The following STK4 variants were observed in gnomAD, a reference collection of about 807,000 sequenced individuals.
STK4 encodes the protein serine/threonine kinase 4, also known as serine/threonine-protein kinase 4.
A neutral mutation model predicts 64.9 loss-of-function variants in STK4; 30 were observed. The ratio of observed to expected loss-of-function variants is 0.46; its 90% CI spans 0.35 to 0.63. The LOEUF (loss-of-function observed/expected upper bound fraction) is 0.63, where lower values mean the gene tolerates loss of function less well. Ranked by LOEUF, STK4 falls within the 20% of genes least tolerant of loss-of-function variation. The pLI is 0.01. For missense variants in STK4, 466 were observed against 598.5 expected (o/e 0.78, Z 2.31); for synonymous variants, 177 against 199.0 (o/e 0.89, Z 0.93).
At chr20:45,053,236 T>C in intron 10 of STK4, 2 of 1,431,596 alleles carry the variant, frequency 1.4e-6, no homozygotes, top group Non-Finnish European at 2.0e-6. Context: ...TGCTGGTGGA[T>C]CGTGCTAGCT....
chr20:45,040,312 G>A (rs1288448220), intron 10 of STK4, among the ~76,000 whole-genome samples: 3 of 151,928 alleles, frequency 2.0e-5, no homozygotes, highest in Non-Finnish European at 4.4e-5. Flanking sequence ...ATATGCACTT[G>A]ATTTTTTGAT....
At chr20:45,007,647 C>T (rs939243294) in intron 9 of STK4, 18 of 257,438 alleles carry the variant, frequency 7.0e-5, no homozygotes, top group Non-Finnish European at 1.3e-4. Context: ...TATTCATAGG[C>T]GTTAGATCCA....
At chr20:45,040,505 G>A (rs1600521831) in intron 10 of STK4, among the ~76,000 whole-genome samples, 1 of 151,844 alleles carries the variant, frequency 6.6e-6, no homozygotes, top group Non-Finnish European at 1.5e-5. Flanking sequence ...ACTTTTAAAT[G>A]TTTTATTGAG....
chr20:45,067,776 A>T (rs993280744), intron 10 of STK4, among the ~76,000 whole-genome samples: 1 of 152,224 alleles, frequency 6.6e-6, no homozygotes, highest in Non-Finnish European at 1.5e-5. Context: ...AAGGTGATTT[A>T]TGAAGAAATC....
chr20:45,024,878 C>CA, intron 9 of STK4, 95 bp from the exon 10 acceptor site: 1 of 1,235,364 alleles, frequency 8.1e-7, no homozygotes, highest in Non-Finnish European at 1.0e-6. Flanking sequence ...TCCACTGATC[C>CA]AGAGATTGTA....
intron 7 of STK4, among the ~76,000 whole-genome samples, chr20:44,998,470 T>C (rs2067774742): frequency 6.6e-6 from 1 of 152,208 alleles, no homozygotes; most frequent in South Asian, 2.1e-4. Flanking sequence ...GCTATTATAA[T>C]TGGGCTAGGC....
intron 10 of STK4, among the ~76,000 whole-genome samples, chr20:45,032,305 T>C (rs1473551038): frequency 6.6e-6 from 1 of 152,208 alleles, no homozygotes; most frequent in Non-Finnish European, 1.5e-5. Flanking sequence ...GGGGTACATG[T>C]GCAGGTTTGT....
chr20:44,997,328 C>T (rs1354821566), intron 7 of STK4, 22 bp downstream of exon 7: 10 of 1,560,630 alleles, frequency 6.4e-6, no homozygotes, highest in South Asian at 1.2e-5. Context: ...CCTGTGATGC[C>T]ATCTCGCTCC....
At chr20:45,027,430 C>CA (rs35208496) in intron 10 of STK4, among the ~76,000 whole-genome samples, 3,038 of 78,990 alleles carry the variant, frequency 0.038, 103 homozygotes, top group East Asian at 0.21. Context: ...AACTCCGTCT[C>CA]AAAAAAAAAA....
intron 10 of STK4, among the ~76,000 whole-genome samples, chr20:45,031,715 A>G (rs1197981612): frequency 6.6e-6 from 1 of 152,098 alleles, no homozygotes; most frequent in African/African-American, 2.4e-5. Context: ...CAGCCTGGCC[A>G]ACATGGTGAA....
At chr20:44,988,108 C>T (rs1194313073) in intron 5 of STK4, among the ~76,000 whole-genome samples, 1 of 151,746 alleles carries the variant, frequency 6.6e-6, no homozygotes, top group Non-Finnish European at 1.5e-5. Context: ...GTGGGCTCTC[C>T]AAAAGGTTTT....
chr20:45,033,777 A>G (rs2068483888), intron 10 of STK4, among the ~76,000 whole-genome samples: 1 of 152,022 alleles, frequency 6.6e-6, no homozygotes, highest in Admixed American at 6.6e-5. Flanking sequence ...ATGGGGTTTC[A>G]CCATGTTGGC....
intron 10 of STK4, among the ~76,000 whole-genome samples, chr20:45,057,886 T>C (rs1224809678): frequency 2.0e-5 from 3 of 152,228 alleles, no homozygotes; most frequent in African/African-American, 7.2e-5. Context: ...CATTTGATTA[T>C]ACCAATTAAA....
At chr20:45,066,010 C>T (rs1205359415) in intron 10 of STK4, among the ~76,000 whole-genome samples, 1 of 152,076 alleles carries the variant, frequency 6.6e-6, no homozygotes, top group Non-Finnish European at 1.5e-5. Context: ...AGTTGTGATG[C>T]TGGCAATTTG....
chr20:45,070,523 G>A (rs1016100279), intron 10 of STK4, among the ~76,000 whole-genome samples: 9 of 152,138 alleles, frequency 5.9e-5, no homozygotes, highest in African/African-American at 2.2e-4. Context: ...GGGGAAGACT[G>A]GGGAGTAAGG....
At chr20:45,062,989 C>CTTTTTTTTTTTTTTTTTTTTTTTGTTT (rs1979213473) in intron 10 of STK4, among the ~76,000 whole-genome samples, 1 of 31,452 alleles carries the variant, frequency 3.2e-5, no homozygotes, top group Non-Finnish European at 5.8e-5. Flanking sequence ...CGCACCCGGC[C>CTTTTTTTTTTTTTTTTTTTTTTTGTTT]TTTTTTTTTT....
chr20:45,078,671 G>A lies in STK4; in HGVS notation c.*3495G>A, dbSNP rs1980705760. 1.3e-5 allele frequency: 2 copies of A among 151,876 alleles called. No homozygotes were observed. The highest frequency in any genetic ancestry group is 1.3e-4 in the Admixed American group (2 of 15,240). The allele number at this position is 151,876 out of a possible 1,614,324, so 9.4% of individuals were successfully genotyped here. A position where few individuals can be genotyped will look rare whatever the true frequency, so the allele number is the denominator to read the frequency against. On this transcript the variant is annotated 3_prime_UTR_variant, in exon 11 of 11. Coordinates refer to ENST00000372806, the MANE Select transcript of STK4 (RefSeq NM_006282.5). ...AGGGTAGGAGGATGCATGGATGAGTGGATGAGTGGATCGATGGATGTATTG... is the reference window on the plus strand; with the variant it reads ...AGGGTAGGAGGATGCATGGATGAGTAGATGAGTGGATCGATGGATGTATTG...
At chr20:45,000,705 C>A in intron 8 of STK4, 185 bp downstream of exon 8, 1 of 813,426 alleles carries the variant, frequency 1.2e-6, no homozygotes, top group Non-Finnish European at 1.9e-6. Flanking sequence ...ATTCTTCTCC[C>A]AGTGCTTCCT....
chr20:45,057,850 G>A (rs1485767271), intron 10 of STK4, among the ~76,000 whole-genome samples: 2 of 152,098 alleles, frequency 1.3e-5, no homozygotes, highest in Non-Finnish European at 2.9e-5. Context: ...CATTTGAGAA[G>A]TATTACCATG....
Sources: allele counts gnomAD v4.1 joint callset (sites outside exome capture counted in the v4.1 genomes callset), GRCh38; gene constraint gnomAD v4.1.1; transcripts MANE v1.5; gene names NCBI Gene and HGNC (gene_info 2026-07-23, HGNC 2026-07-21).